The following PKD1 variants were observed in gnomAD, a reference collection of about 807,000 sequenced individuals.
The protein encoded by PKD1 is polycystin 1, transient receptor potential channel interacting.
In PKD1, 81 loss-of-function variants were observed where a neutral mutation model predicts 361.7. That is an observed-to-expected ratio of 0.22 (90% CI 0.19 to 0.27). The LOEUF (loss-of-function observed/expected upper bound fraction) is 0.27, where lower values mean the gene tolerates loss of function less well. Among genes scored for constraint, PKD1 ranks in the 10% least tolerant of loss-of-function variants. PKD1 has a pLI of 1.00. For missense variants in PKD1, 6,399 were observed against 6,118.3 expected, an observed-to-expected ratio of 1.05 and a Z score of -1.53; for synonymous variants, 3,615 against 2,818.3, an observed-to-expected ratio of 1.28 and a Z score of -8.95.
At chr16:2,128,727 C>CA (rs1319704152) in intron 1 of PKD1, among the ~76,000 whole-genome samples, 6 of 152,136 alleles carry the variant, frequency 3.9e-5, no homozygotes, top group Non-Finnish European at 8.8e-5. Context: ...CTTTTTGAGA[C>CA]AGAGTTTCAC....
In PKD1 at chr16:2,089,636, T is replaced by C; in HGVS notation, c.*91A>G. On this transcript the variant is annotated 3_prime_UTR_variant, in exon 46 of 46. Coordinates refer to ENST00000262304, the MANE Select transcript of PKD1 (RefSeq NM_001009944.3). Reference sequence around the variant, plus strand: ...CTCTGGGGAACCTACGTGCAGCCATTCTGCCTGGCCCTCGGCCTTGACAGC... The same window carrying C: ...CTCTGGGGAACCTACGTGCAGCCATCCTGCCTGGCCCTCGGCCTTGACAGC... The C allele has an allele frequency of 6.8e-7, 1 of 1,474,776 alleles. No homozygotes were observed. The highest frequency in any genetic ancestry group is 9.2e-7 in the Non-Finnish European group (1 of 1,085,462). 91.4% of individuals were successfully genotyped at this position (1,474,776 alleles called of 1,614,324 possible).
In PKD1 at chr16:2,118,081, C is replaced by T. The variant is rs574313228; in HGVS notation, c.911G>A (p.Arg304His). The T allele has an allele frequency of 8.3e-5, 133 of 1,606,886 alleles. 5 individuals are homozygous for T. The South Asian group carries it at 1.3e-3, about 15-fold the overall frequency. ...IAAPLPVTATRWDFGDGSAEV... is the reference protein window; with the variant it reads ...IAAPLPVTATHWDFGDGSAEV... ...GGCGGAGCCGTCTCCGAAGTCCCAG[C>T]GTGTGGCAGTGACAGGGAGCGGGGC... Residue 304 changes from arginine to histidine, a missense_variant, in exon 5 of 46, where the codon CGC becomes CAC. Transcript: ENST00000262304. The surrounding 1 kb of genome is among the most constrained non-coding windows in gnomAD (Gnocchi z 6.0).
rs756164094 is a variant in PKD1, at chr16:2,106,530, G to A, written c.7357C>T (p.Arg2453Cys). 2.0e-5 allele frequency: 32 copies of A among 1,596,120 alleles called. No individual in the cohort carries two copies. Among genetic ancestry groups the A allele is most frequent in the South Asian group, 8.8e-5 (8 of 90,866 alleles). The stretch of plus-strand genomic sequence containing the variant: ...GCGCAGCCCTCCTCCTCGCCAGAGC[G>A]GCCCAGCACCGTGAGCGTGAAGGTG... ...GYTFTLTVLG[R>C]SGEEEGCASI... The change falls in exon 18 of 46, where the codon CGC (arginine) becomes TGC (cysteine). Residue 2453 changes from arginine (R) to cysteine (C), a missense_variant. Transcript: ENST00000262304. This position sits in a 1 kb window ranked among gnomAD's most constrained non-coding sequence, Gnocchi z 6.5.
In PKD1 at chr16:2,092,112, G is replaced by GTCGTAATC. The variant is rs2091618729; in HGVS notation, c.11338_11345dup (p.Asp3782GlufsTer47). The GTCGTAATC allele has an allele frequency of 6.2e-7, 1 of 1,612,770 alleles. No individual in the cohort carries two copies. Among genetic ancestry groups the GTCGTAATC allele is most frequent in the Non-Finnish European group, 8.5e-7 (1 of 1,180,002 alleles). On this transcript the variant is annotated frameshift_variant, in exon 40 of 46. Coordinates refer to ENST00000262304, the MANE Select transcript of PKD1 (RefSeq NM_001009944.3). LOFTEE classifies it high-confidence loss of function. ...CATTGTGAGGACTCTCCCAGCCAAC[G>GTCGTAATC]TCGTAATCGCTGGTGCTGAAGCCTC...
chr16:2,106,360 G>A lies in PKD1; in HGVS notation c.7489+38C>T. 1 of 1,600,498 alleles carries A rather than the reference G, an allele frequency of 6.2e-7. No homozygotes were observed. The highest frequency in any genetic ancestry group is 1.1e-5 in the South Asian group (1 of 89,972). On this transcript the variant is annotated intron_variant, in intron 18 of 45. Transcript: ENST00000262304. The surrounding 1 kb of genome is among the most constrained non-coding windows in gnomAD (Gnocchi z 6.5). The stretch of plus-strand genomic sequence containing the variant: ...GGGCTCCGTGACGTCACAGAGTCGG[G>A]GGATCCCGCTGCTCCCCCCACGCAG...
At chr16:2,123,624 G>A in intron 1 of PKD1, 2 of 433,160 alleles carry the variant, frequency 4.6e-6, no homozygotes, top group Admixed American at 2.4e-5. Flanking sequence ...GCTGTCTGAT[G>A]CCCTGCCCCC....
Position 2,103,913 on chromosome 16 carries a change from G to A in PKD1, c.8162-18C>T, listed in dbSNP as rs752983182. The A allele has an allele frequency of 1.9e-5, 27 of 1,403,586 alleles. No individual in the cohort carries two copies. In the East Asian group the frequency reaches 6.2e-4, roughly 32 times the overall value. 86.9% of individuals were successfully genotyped at this position (1,403,586 alleles called of 1,614,324 possible). A position where few individuals can be genotyped will look rare whatever the true frequency, so the allele number is the denominator to read the frequency against. ...GAGGTCTCCTGCAGACATGCGTGAG[G>A]TCAGTGCAGAGACAGGGAGGTAGAG... On this transcript the variant is annotated intron_variant, in intron 22 of 45. Transcript: ENST00000262304.
In PKD1 at chr16:2,111,228, G is replaced by C. The variant is rs1042476625; in HGVS notation, c.3939C>G (p.Leu1313=). 4 of 1,611,078 alleles carry C rather than the reference G, an allele frequency of 2.5e-6. No homozygotes were observed. The highest frequency in any genetic ancestry group is 1.1e-5 in the South Asian group (1 of 91,014). Residue 1313 remains leucine (L), a synonymous_variant, in exon 15 of 46, where the codon CTC becomes CTG. Transcript: ENST00000262304. ...CCGGGTTCCCGGTGACGTAGGCCGT[G>C]AGCCGCGCGTCAGGCTGCGTGGGGA... ...ACIPTQPDAR[L]TAYVTGNPAH...
In PKD1 at chr16:2,110,125, T is replaced by C. The variant is rs1189017617; in HGVS notation, c.5042A>G (p.Lys1681Arg). ...CTCGAGCACGGTGAGCGAGAAGCCT[T>C]TGCCGCTGCCGGCCAGGGCCGGGCC... is the stretch of plus-strand genomic sequence containing the variant. ...DRGPALAGSGKGFSLTVLEAG... is the reference protein window; with the variant it reads ...DRGPALAGSGRGFSLTVLEAG... The change falls in exon 15 of 46, where the codon AAA becomes AGA. Residue 1681 changes from lysine (K) to arginine (R), a missense_variant. Transcript: ENST00000262304. The C allele has an allele frequency of 4.3e-6, 7 of 1,609,412 alleles. No homozygotes were observed. The highest frequency in any genetic ancestry group is 5.1e-6 in the Non-Finnish European group (6 of 1,179,352).
Position 2,111,567 on chromosome 16 carries a change from C to G in PKD1, c.3600G>C (p.Ala1200=). ...AGACGCGCACATCCGCCTGGGCCGC[C>G]GCACCGCTCACCGTGTTGTTGACCT... is the stretch of plus-strand genomic sequence containing the variant. ...RLEVNNTVSG[A]AAQADVRVFE... The change falls in exon 15 of 46, where the codon GCG becomes GCC. Residue 1200 remains alanine (A), a synonymous_variant. Coordinates refer to ENST00000262304, the MANE Select transcript of PKD1 (RefSeq NM_001009944.3). The G allele has an allele frequency of 6.3e-7, 1 of 1,579,516 alleles. No homozygotes were observed. The highest frequency in any genetic ancestry group is 8.6e-7 in the Non-Finnish European group (1 of 1,163,790).
intron 26 of PKD1, 36 bp downstream of exon 26, chr16:2,102,025 G>T (rs1166470642): frequency 1.8e-5 from 24 of 1,339,522 alleles, no homozygotes; most frequent in Non-Finnish European, 2.4e-5. Context: ...GCCAGTGAGA[G>T]CAGGGGAGGC....
At position 2,091,486 on chromosome 16, in the gene PKD1, G is replaced by A; in HGVS notation, c.11649C>T (p.Leu3883=). 1.4e-6 allele frequency: 2 copies of A among 1,384,502 alleles called. No homozygotes were observed. Among genetic ancestry groups the A allele is most frequent in the South Asian group, 1.5e-5 (1 of 67,968 alleles). 85.8% of individuals were successfully genotyped at this position (1,384,502 alleles called of 1,614,324 possible). ...GGCGCAGCGCAAAGGGGCGGACGCT[G>A]AGGGCGGCCAGGGCGCGGCCGGCCG... ...FPAAGRALAA[L]SVRPFALRRL... is the part of the protein sequence containing the mutation. The change falls in exon 42 of 46, where the codon CTC becomes CTT. Residue 3883 remains leucine (L), a synonymous_variant. Transcript: ENST00000262304.
In PKD1 at chr16:2,109,578, G is replaced by A. The variant is rs775686229; in HGVS notation, c.5589C>T (p.Ser1863=). 13 of 1,611,760 alleles carry A rather than the reference G, an allele frequency of 8.1e-6. No individual in the cohort carries two copies. In the East Asian group the frequency reaches 1.1e-4, roughly 14 times the overall value. Residue 1863 remains serine (S), a synonymous_variant, in exon 15 of 46, where the codon TCC becomes TCT. Transcript: ENST00000262304. ...CTGCGTTGGAGGCATTGAGCCGGAT[G>A]GAGAAGGTGCCAGCATCCGGGAAGA... ...TMVFPDAGTF[S]IRLNASNAVS...
Position 2,106,277 on chromosome 16 carries a change from G to A in PKD1, c.7517C>T (p.Ala2506Val), listed in dbSNP as rs529669059. 20 of 1,609,980 alleles carry A rather than the reference G, an allele frequency of 1.2e-5. No individual in the cohort carries two copies. The Admixed American group carries it at 2.5e-4, about 20-fold the overall frequency. ...CAGCAGCAGGGCGTACACCAGCGGG[G>A]CGCCAGCATCCTCCGCGTCATGCCA... is the stretch of plus-strand genomic sequence containing the variant. ...TGWHDAEDAGAPLVYALLLRR... is the reference protein window; with the variant it reads ...TGWHDAEDAGVPLVYALLLRR... Residue 2506 changes from alanine (A) to valine (V), a missense_variant, in exon 19 of 46, where the codon GCC (alanine) becomes GTC (valine). By Grantham distance (64) the Ala-to-Val change is moderately conservative (BLOSUM62 0). Coordinates refer to ENST00000262304, the MANE Select transcript of PKD1 (RefSeq NM_001009944.3). This position sits in a 1 kb window ranked among gnomAD's most constrained non-coding sequence, Gnocchi z 6.5.
intron 1 of PKD1, among the ~76,000 whole-genome samples, chr16:2,131,684 G>A (rs1391489446): frequency 5.3e-5 from 8 of 151,628 alleles, no homozygotes; most frequent in East Asian, 1.9e-4. Context: ...TTAGCCGGGC[G>A]TGGTGGCGCG....
rs1340046324 is a variant in PKD1, at chr16:2,118,073, A to G, written c.919T>C (p.Phe307Leu). 1 of 1,606,638 alleles carries G rather than the reference A, an allele frequency of 6.2e-7. No homozygotes were observed. The highest frequency in any genetic ancestry group is 2.2e-5 in the East Asian group (1 of 44,842). The change falls in exon 5 of 46, where the codon TTC (phenylalanine) becomes CTC (leucine). Residue 307 changes from phenylalanine (F) to leucine (L), a missense_variant. By Grantham distance (22) the Phe-to-Leu change is conservative (BLOSUM62 0). Coordinates refer to ENST00000262304, the MANE Select transcript of PKD1 (RefSeq NM_001009944.3). This position sits in a 1 kb window ranked among gnomAD's most constrained non-coding sequence, Gnocchi z 6.0. ...TCCACCTCGGCGGAGCCGTCTCCGAAGTCCCAGCGTGTGGCAGTGACAGGG... is the reference window on the plus strand; with the variant it reads ...TCCACCTCGGCGGAGCCGTCTCCGAGGTCCCAGCGTGTGGCAGTGACAGGG... The part of the protein sequence containing the change: ...PLPVTATRWD[F>L]GDGSAEVDAA...
Position 2,135,733 on chromosome 16 carries a change from C to A in PKD1, c.-44G>T. ...ATGGCCCCGCCGTCCCCAGGCCCGC[C>A]CGCGCGCGGAGGCCGCAGCTCAGGC... On this transcript the variant is annotated 5_prime_UTR_variant, in exon 1 of 46. Coordinates refer to ENST00000262304, the MANE Select transcript of PKD1 (RefSeq NM_001009944.3). 1.0e-6 allele frequency: 1 copy of A among 963,096 alleles called. No homozygotes were observed. Among genetic ancestry groups the A allele is most frequent in the Non-Finnish European group, 1.2e-6 (1 of 812,668 alleles). 59.7% of individuals were successfully genotyped at this position (963,096 alleles called of 1,614,324 possible).
chr16:2,134,424 C>T (rs544071631), intron 1 of PKD1, among the ~76,000 whole-genome samples: 1 of 125,012 alleles, frequency 8.0e-6, no homozygotes. Context: ...GGATCCAGCA[C>T]GCACCCAAGG....
At position 2,106,402 on chromosome 16, in the gene PKD1, G is replaced by A. The variant is rs1232522133; in HGVS notation, c.7485C>T (p.Cys2495=). The A allele has an allele frequency of 5.7e-6, 9 of 1,589,872 alleles. No individual in the cohort carries two copies. In the African/African-American group the frequency reaches 9.4e-5, roughly 17 times the overall value. Residue 2495 remains cysteine (C), a synonymous_variant, in exon 18 of 46, where the codon TGC becomes TGT. Coordinates refer to ENST00000262304, the MANE Select transcript of PKD1 (RefSeq NM_001009944.3). This position sits in a 1 kb window ranked among gnomAD's most constrained non-coding sequence, Gnocchi z 6.5. Reference sequence around the variant, plus strand: ...CCCACGCAGGCCTGCACTCACCCGTGCATTCGAAGTGCACCTTGGTGGTGA... The same window carrying A: ...CCCACGCAGGCCTGCACTCACCCGTACATTCGAAGTGCACCTTGGTGGTGA... ...HALTTKVHFE[C]TGWHDAEDAG...
Sources: allele counts gnomAD v4.1 joint callset (sites outside exome capture counted in the v4.1 genomes callset), GRCh38; gene constraint gnomAD v4.1.1; non-coding constraint Gnocchi (gnomAD v3.1); transcripts MANE v1.5; gene names NCBI Gene and HGNC (gene_info 2026-07-23, HGNC 2026-07-21).